KCNQ5: variants seen among roughly 807,000 people sequenced by gnomAD.
KCNQ5 encodes the protein potassium voltage-gated channel subfamily KQT member 5.
A neutral mutation model predicts 98.2 loss-of-function variants in KCNQ5; 30 were observed. The observed-to-expected ratio is 0.31, with a 90% confidence interval of 0.23 to 0.41. The LOEUF (loss-of-function observed/expected upper bound fraction) is 0.41. KCNQ5 is among the 10% of genes least tolerant of loss of function. The probability of loss-of-function intolerance (pLI) is 1.00; values close to 1 mark genes in which losing one functional copy is unlikely to be tolerated. For missense variants in KCNQ5, 835 were observed against 1,182.5 expected (o/e 0.71, Z 4.31); for synonymous variants, 458 against 449.4 (o/e 1.02, Z -0.24).
At chr6:72,772,067 C>T (rs904415217) in intron 1 of KCNQ5, among the ~76,000 whole-genome samples, 2 of 151,882 alleles carry the variant, frequency 1.3e-5, no homozygotes, top group Non-Finnish European at 2.9e-5. Flanking sequence ...TTTATGATAC[C>T]GACTTTTCAC....
chr6:72,756,905 A>G (rs1045364489), intron 1 of KCNQ5, among the ~76,000 whole-genome samples: 4 of 152,136 alleles, frequency 2.6e-5, no homozygotes, highest in Non-Finnish European at 5.9e-5. Flanking sequence ...ATTCCTTTGA[A>G]TCTGTACTAC....
At chr6:73,111,276 T>C (rs1415514964) in intron 6 of KCNQ5, 32 bp from the exon 7 acceptor site, 1 of 1,516,826 alleles carries the variant, frequency 6.6e-7, no homozygotes, top group East Asian at 2.3e-5. Flanking sequence ...GCTTTTGAAA[T>C]TTTTGAGTGC....
intron 1 of KCNQ5, among the ~76,000 whole-genome samples, chr6:72,784,621 T>C (rs1399701772): frequency 6.6e-6 from 1 of 152,184 alleles, no homozygotes; most frequent in African/African-American, 2.4e-5. Flanking sequence ...CTTTTCTCAA[T>C]GTGTCATCCT....
intron 1 of KCNQ5, among the ~76,000 whole-genome samples, chr6:72,804,973 A>C (rs1277853706): frequency 6.6e-6 from 1 of 152,104 alleles, no homozygotes; most frequent in African/African-American, 2.4e-5. Flanking sequence ...TCTTTTGAGA[A>C]ATGTCCATTC....
chr6:72,917,893 A>G (rs542980895), intron 1 of KCNQ5, among the ~76,000 whole-genome samples: 21 of 152,210 alleles, frequency 1.4e-4, no homozygotes, highest in African/African-American at 5.1e-4. Context: ...ATTTCTCAAC[A>G]TCAGCACTAT....
At chr6:72,736,257 CT>C in intron 1 of KCNQ5, among the ~76,000 whole-genome samples, 1 of 152,096 alleles carries the variant, frequency 6.6e-6, no homozygotes, top group South Asian at 2.1e-4. Context: ...AAAAATGGTT[CT>C]GTACAAATAA....
At chr6:72,816,577 G>T (rs1469376487) in intron 1 of KCNQ5, among the ~76,000 whole-genome samples, 1 of 152,096 alleles carries the variant, frequency 6.6e-6, no homozygotes, top group Non-Finnish European at 1.5e-5. Flanking sequence ...GGGAAAATAT[G>T]GGATCAAGGA....
intron 2 of KCNQ5, among the ~76,000 whole-genome samples, chr6:73,009,669 T>C (rs1277601888): frequency 6.6e-6 from 1 of 152,106 alleles, no homozygotes; most frequent in Non-Finnish European, 1.5e-5. Context: ...CTCGAATTAA[T>C]AGAATCAGAA....
In KCNQ5 at chr6:72,657,833, C is replaced by T. The variant is rs553914497; in HGVS notation, c.398+35246C>T. On this transcript the variant is annotated intron_variant, in intron 1 of 13. Transcript: ENST00000370398. ...GCAACATTAGTTTATCTTTGATATT[C>T]CCAAATCTACCTATTCTCACTTGTT... Among the ~76,000 whole-genome samples the T allele has an allele frequency of 2.6e-5, 4 of 152,272 alleles. No homozygotes were observed. The East Asian group carries it at 7.7e-4, about 29-fold the overall frequency.
chr6:72,652,097 A>G (rs1277525539), intron 1 of KCNQ5, among the ~76,000 whole-genome samples: 1 of 151,994 alleles, frequency 6.6e-6, no homozygotes, highest in Admixed American at 6.6e-5. Flanking sequence ...AAAAATTTTT[A>G]TCTTTCATGG....
At chr6:72,969,233 A>C (rs1270657833) in intron 1 of KCNQ5, among the ~76,000 whole-genome samples, 1 of 152,204 alleles carries the variant, frequency 6.6e-6, no homozygotes, top group East Asian at 1.9e-4. Context: ...TGTTATAATA[A>C]ATATTATTGT....
chr6:72,706,772 T>C (rs1334287736), intron 1 of KCNQ5, among the ~76,000 whole-genome samples: 1 of 152,132 alleles, frequency 6.6e-6, no homozygotes, highest in Admixed American at 6.6e-5. Flanking sequence ...CTACTGCAAA[T>C]GTTCATAAAA....
intron 3 of KCNQ5, among the ~76,000 whole-genome samples, chr6:73,069,536 G>A (rs1244563354): frequency 6.6e-6 from 1 of 151,662 alleles, no homozygotes; most frequent in Non-Finnish European, 1.5e-5. Context: ...AAAAAAAAAA[G>A]CACGTCTGCA....
At chr6:72,769,188 C>T (rs1772733687) in intron 1 of KCNQ5, among the ~76,000 whole-genome samples, 2 of 152,066 alleles carry the variant, frequency 1.3e-5, no homozygotes, top group Non-Finnish European at 2.9e-5. Context: ...CATACCAATA[C>T]ATGAATAGAG....
chr6:72,779,847 G>A (rs866489432), intron 1 of KCNQ5, among the ~76,000 whole-genome samples: 36 of 144,598 alleles, frequency 2.5e-4, no homozygotes, highest in African/African-American at 7.8e-4. Context: ...GTGTGTGTGT[G>A]TGTGTGTGTG....
At chr6:72,741,000 C>T (rs563094147) in intron 1 of KCNQ5, among the ~76,000 whole-genome samples, 10 of 152,240 alleles carry the variant, frequency 6.6e-5, no homozygotes, top group Non-Finnish European at 1.2e-4. Flanking sequence ...AGGGCTCTTT[C>T]CTGGTGAAAA....
intron 5 of KCNQ5, among the ~76,000 whole-genome samples, chr6:73,093,602 G>A (rs1469962303): frequency 6.6e-6 from 1 of 152,026 alleles, no homozygotes; most frequent in Non-Finnish European, 1.5e-5. Flanking sequence ...TTGATATGTT[G>A]TGTCATTGTT....
intron 1 of KCNQ5, among the ~76,000 whole-genome samples, chr6:72,909,338 G>A (rs1457647996): frequency 6.6e-6 from 1 of 152,164 alleles, no homozygotes; most frequent in African/African-American, 2.4e-5. Flanking sequence ...AGCAGTAATA[G>A]CAGAGAAAGA....
At chr6:73,055,120 G>A in intron 3 of KCNQ5, 1 of 753,090 alleles carries the variant, frequency 1.3e-6, no homozygotes, top group Admixed American at 1.7e-5. Flanking sequence ...AACTGGTGCA[G>A]ATCCAGCACA....
Sources: gnomAD v4.1 joint callset for allele counts (sites outside exome capture counted in the v4.1 genomes callset) on GRCh38, gnomAD v4.1.1 for gene constraint, MANE v1.5 for transcripts, NCBI Gene and HGNC (gene_info 2026-07-23, HGNC 2026-07-21) for gene names.